Variants in XPO4 observed in about 807,000 individuals in gnomAD.
XPO4 encodes the protein exportin-4.
In XPO4, 39 loss-of-function variants were observed where a neutral mutation model predicts 143.0. The observed-to-expected ratio is 0.27, with a 90% CI of 0.21 to 0.36. The LOEUF is 0.36. XPO4 is among the 10% of genes least tolerant of loss of function. The pLI, the probability that XPO4 is intolerant of heterozygous loss-of-function variation, is 1.00. For synonymous variants in XPO4, 439 were observed against 474.0 expected (o/e 0.93, Z 0.96); for missense variants, 907 against 1,348.0 (o/e 0.67, Z 5.12).
At chr13:20,872,409 T>G (rs1318347131) in intron 1 of XPO4, among the ~76,000 whole-genome samples, 3 of 152,198 alleles carry the variant, frequency 2.0e-5, no homozygotes, top group Non-Finnish European at 2.9e-5. Context: ...TGCTGCCCCC[T>G]ACCCTTCCTT....
intron 6 of XPO4, among the ~76,000 whole-genome samples, chr13:20,834,880 G>T (rs1215316876): frequency 2.6e-5 from 4 of 152,132 alleles, no homozygotes; most frequent in Non-Finnish European, 5.9e-5. Context: ...AGGACCACTT[G>T]AACTCAGAGG....
At chr13:20,875,551 C>T (rs943001541) in intron 1 of XPO4, among the ~76,000 whole-genome samples, 2 of 152,146 alleles carry the variant, frequency 1.3e-5, no homozygotes, top group Admixed American at 1.3e-4. Context: ...ATATTCCCTC[C>T]TCCATAACTG....
chr13:20,893,993 G>A (rs988713693), intron 1 of XPO4, among the ~76,000 whole-genome samples: 73 of 152,122 alleles, frequency 4.8e-4, no homozygotes, highest in African/African-American at 1.6e-3. Flanking sequence ...ACAGGCATGC[G>A]CCACCACACC....
chr13:20,869,563 G>A (rs1050500591), intron 1 of XPO4: 6 of 869,036 alleles, frequency 6.9e-6, no homozygotes, highest in African/African-American at 1.8e-5. Flanking sequence ...TAATCTAGAT[G>A]ATGAAAAATG....
chr13:20,788,488 T>G lies in XPO4; in HGVS notation c.3045A>C (p.Thr1015=). Residue 1015 remains threonine, a splice_region_variant and synonymous_variant, in exon 20 of 23, where the codon ACA becomes ACC. Coordinates refer to ENST00000255305, the MANE Select transcript of XPO4 (RefSeq NM_022459.5). ...AGTGATGTTCATTTAAAGGATATGA[T>G]GTCATTCCTAATTCTAGGGAGTACA... ...SLMYSLELGM[T]SMSSEVCQLC... The G allele has an allele frequency of 6.2e-7, 1 of 1,610,982 alleles. No homozygotes were observed. Among genetic ancestry groups the G allele is most frequent in the Non-Finnish European group, 8.5e-7 (1 of 1,179,020 alleles).
At chr13:20,822,083 C>T (rs375146523) in intron 8 of XPO4, 49 bp downstream of exon 8, 1 of 1,546,356 alleles carries the variant, frequency 6.5e-7, no homozygotes, top group Non-Finnish European at 8.7e-7. Flanking sequence ...TACTGTTAAA[C>T]ACAAAACGTA....
chr13:20,846,613 T>G (rs2060031421), intron 4 of XPO4, among the ~76,000 whole-genome samples: 1 of 152,206 alleles, frequency 6.6e-6, no homozygotes, highest in Non-Finnish European at 1.5e-5. Flanking sequence ...TAAGAATCTT[T>G]CGTTTTTAAA....
chr13:20,826,456 A>T (rs2137984558), intron 7 of XPO4, among the ~76,000 whole-genome samples: 2 of 152,356 alleles, frequency 1.3e-5, no homozygotes, highest in Middle Eastern at 6.8e-3. Context: ...AATAATATGA[A>T]GACAGTATCT....
chr13:20,897,689 C>T (rs937511316), intron 1 of XPO4, among the ~76,000 whole-genome samples: 1 of 152,182 alleles, frequency 6.6e-6, no homozygotes, highest in African/African-American at 2.4e-5. Context: ...CAGATCCAAA[C>T]TAGCTACATG....
intron 4 of XPO4, among the ~76,000 whole-genome samples, chr13:20,850,495 C>A (rs933856445): frequency 6.6e-6 from 1 of 152,044 alleles, no homozygotes; most frequent in Non-Finnish European, 1.5e-5. Context: ...AAAATCAATT[C>A]TTGGCTGGAC....
chr13:20,865,511 T>C (rs2060237304), intron 2 of XPO4: 2 of 985,208 alleles, frequency 2.0e-6, no homozygotes, highest in Non-Finnish European at 2.4e-6. Context: ...TAAATTATTT[T>C]AGGTCACTTT....
At chr13:20,819,906 G>A (rs2059698120) in intron 9 of XPO4, among the ~76,000 whole-genome samples, 1 of 152,140 alleles carries the variant, frequency 6.6e-6, no homozygotes, top group South Asian at 2.1e-4. Context: ...TGACATTTAG[G>A]AGGTTTACTC....
intron 18 of XPO4, among the ~76,000 whole-genome samples, chr13:20,792,001 A>G (rs2059286217): frequency 1.3e-5 from 2 of 152,142 alleles, no homozygotes; most frequent in South Asian, 2.1e-4. Context: ...CCTGCTCTGG[A>G]GCAGAAGGCT....
At chr13:20,808,983 G>A (rs1028959598) in intron 11 of XPO4, 100 bp downstream of exon 11, 61 of 1,309,708 alleles carry the variant, frequency 4.7e-5, no homozygotes, top group Non-Finnish European at 6.0e-5. Context: ...GCTGGGACAC[G>A]GGGTGGGGGT....
intron 1 of XPO4, chr13:20,879,233 G>A: frequency 1.0e-6 from 1 of 985,262 alleles, no homozygotes; most frequent in Non-Finnish European, 1.2e-6. Flanking sequence ...TCCACATAAA[G>A]CTGGGATCCT....
chr13:20,823,698 C>A (rs189160614), intron 7 of XPO4, among the ~76,000 whole-genome samples: 78 of 152,118 alleles, frequency 5.1e-4, no homozygotes, highest in Non-Finnish European at 2.1e-4. Flanking sequence ...GTTGCCCAGG[C>A]TGGAGTGCAA....
chr13:20,832,124 T>C (rs1377687743), intron 6 of XPO4, among the ~76,000 whole-genome samples: 1 of 152,144 alleles, frequency 6.6e-6, no homozygotes, highest in Non-Finnish European at 1.5e-5. Flanking sequence ...CCTGCCCTAT[T>C]CTGTAACTGC....
chr13:20,893,992 C>T (rs371799728), intron 1 of XPO4, among the ~76,000 whole-genome samples: 5 of 151,978 alleles, frequency 3.3e-5, no homozygotes, highest in African/African-American at 7.3e-5. Flanking sequence ...TACAGGCATG[C>T]GCCACCACAC....
chr13:20,902,383 G>C (rs2060629561), intron 1 of XPO4: 1 of 985,406 alleles, frequency 1.0e-6, no homozygotes, highest in Non-Finnish European at 1.2e-6. Flanking sequence ...CAGTCTGTGG[G>C]GCAGGGTGTA....
Sources: gnomAD v4.1 joint callset for allele counts (sites outside exome capture counted in the v4.1 genomes callset) on GRCh38, gnomAD v4.1.1 for gene constraint, MANE v1.5 for transcripts, NCBI Gene and HGNC (gene_info 2026-07-23, HGNC 2026-07-21) for gene names.